Variants in PPP1R1C observed in about 807,000 individuals in gnomAD.
PPP1R1C encodes protein phosphatase 1 regulatory subunit 1C.
A neutral mutation model predicts 17.4 loss-of-function variants in PPP1R1C; 15 were observed. The observed-to-expected ratio is 0.86, with a 90% CI of 0.58 to 1.33. The LOEUF (loss-of-function observed/expected upper bound fraction) is 1.33, where lower values mean the gene tolerates loss of function less well. PPP1R1C is among the 40% of genes most tolerant of loss of function. PPP1R1C has a pLI of 0.00. For missense variants in PPP1R1C, 143 were observed against 130.0 expected (o/e 1.10, Z -0.48); for synonymous variants, 35 against 43.1 (o/e 0.81, Z 0.73).
intron 2 of PPP1R1C, among the ~76,000 whole-genome samples, chr2:182,052,768 C>T (rs930853150): frequency 1.3e-5 from 2 of 152,124 alleles, no homozygotes; most frequent in African/African-American, 2.4e-5. Context: ...TAAAATTAAT[C>T]GAAATCACAA....
At chr2:181,997,146 G>C (rs1219558223) in intron 2 of PPP1R1C, among the ~76,000 whole-genome samples, 1 of 151,510 alleles carries the variant, frequency 6.6e-6, no homozygotes, top group Non-Finnish European at 1.5e-5. Context: ...GGAGAAAGGC[G>C]TGAACCCGGG....
chr2:182,123,993 C>A (rs1255353246), intron 5 of PPP1R1C, among the ~76,000 whole-genome samples: 1 of 152,152 alleles, frequency 6.6e-6, no homozygotes, highest in Non-Finnish European at 1.5e-5. Flanking sequence ...TTAGTTCTAA[C>A]ATTTAAATCT....
At chr2:182,026,773 G>A (rs1175965778) in intron 2 of PPP1R1C, among the ~76,000 whole-genome samples, 1 of 150,938 alleles carries the variant, frequency 6.6e-6, no homozygotes, top group Non-Finnish European at 1.5e-5. Context: ...TGATGGGGAT[G>A]GCATTGAATC....
chr2:181,991,618 C>T (rs904077056), intron 2 of PPP1R1C, among the ~76,000 whole-genome samples: 2 of 152,134 alleles, frequency 1.3e-5, no homozygotes, highest in African/African-American at 4.8e-5. Context: ...TACTGAAAAA[C>T]TGAGATAGGG....
At chr2:182,046,053 A>G (rs1040099017) in intron 2 of PPP1R1C, among the ~76,000 whole-genome samples, 1 of 151,980 alleles carries the variant, frequency 6.6e-6, no homozygotes, top group Non-Finnish European at 1.5e-5. Flanking sequence ...CAAACCAAGT[A>G]TCTCATATAG....
chr2:182,128,380 C>T (rs899908887), intron 5 of PPP1R1C, among the ~76,000 whole-genome samples: 8 of 152,014 alleles, frequency 5.3e-5, no homozygotes, highest in South Asian at 2.1e-4. Context: ...CTCGGTAAAA[C>T]GTGGAGAATT....
chr2:182,066,082 T>A (rs1159670438), intron 4 of PPP1R1C, among the ~76,000 whole-genome samples: 1 of 152,094 alleles, frequency 6.6e-6, no homozygotes, highest in African/African-American at 2.4e-5. Flanking sequence ...ATACTTTAAT[T>A]CTATTAATGC....
intron 2 of PPP1R1C, among the ~76,000 whole-genome samples, chr2:182,023,420 GA>G (rs959656796): frequency 1.3e-5 from 2 of 151,770 alleles, no homozygotes; most frequent in Non-Finnish European, 2.9e-5. Context: ...GAAACAACTT[GA>G]AAAAAAGAGT....
intron 2 of PPP1R1C, among the ~76,000 whole-genome samples, chr2:182,016,602 T>C (rs181206550): frequency 6.6e-6 from 1 of 152,362 alleles, no homozygotes; most frequent in Non-Finnish European, 1.5e-5. Context: ...GTTTTCTTTT[T>C]CCTTCCATTT....
At chr2:181,980,732 G>A (rs969910136) in intron 2 of PPP1R1C, among the ~76,000 whole-genome samples, 5 of 151,988 alleles carry the variant, frequency 3.3e-5, no homozygotes, top group African/African-American at 1.2e-4. Context: ...GACTACTCAG[G>A]AAAATTATAC....
At chr2:182,036,719 GTA>G (rs1393203946) in intron 2 of PPP1R1C, among the ~76,000 whole-genome samples, 2 of 151,722 alleles carry the variant, frequency 1.3e-5, no homozygotes, top group East Asian at 1.9e-4. Context: ...GTGTGTGTGT[GTA>G]TATATATAAA....
chr2:182,044,855 A>G (rs776190420), intron 2 of PPP1R1C, among the ~76,000 whole-genome samples: 3 of 152,254 alleles, frequency 2.0e-5, no homozygotes, highest in Non-Finnish European at 4.4e-5. Flanking sequence ...GCGTTAATCT[A>G]CAAACTGCAT....
chr2:181,960,601 T>G (rs547048847), intron 1 of PPP1R1C, among the ~76,000 whole-genome samples: 79 of 152,336 alleles, frequency 5.2e-4, no homozygotes, highest in African/African-American at 1.9e-3. Flanking sequence ...TCCCCCTCTC[T>G]TCAACAGTTT....
intron 2 of PPP1R1C, among the ~76,000 whole-genome samples, chr2:182,019,891 T>G (rs1686366476): frequency 6.6e-6 from 1 of 152,250 alleles, no homozygotes; most frequent in Admixed American, 6.5e-5. Flanking sequence ...ACTAATTTGA[T>G]GAAGTGTTCT....
chr2:181,995,495 A>G (rs1317196915), intron 2 of PPP1R1C, among the ~76,000 whole-genome samples: 1 of 152,254 alleles, frequency 6.6e-6, no homozygotes, highest in African/African-American at 2.4e-5. Flanking sequence ...CATTAATTTC[A>G]AAGAACTCTA....
chr2:182,037,741 G>A (rs1687054819), intron 2 of PPP1R1C, among the ~76,000 whole-genome samples: 1 of 152,122 alleles, frequency 6.6e-6, no homozygotes, highest in Non-Finnish European at 1.5e-5. Context: ...TAGAAACTAT[G>A]AACTGTTAAT....
chr2:182,041,344 C>T (rs1324874114), intron 2 of PPP1R1C, among the ~76,000 whole-genome samples: 2 of 152,134 alleles, frequency 1.3e-5, no homozygotes, highest in Non-Finnish European at 2.9e-5. Context: ...CGTGGTAGCT[C>T]ACGCCTGTAA....
At chr2:181,980,875 T>C (rs956189589), upstream of PPP1R1C, among the ~76,000 whole-genome samples, 33 of 152,206 alleles carry the variant, frequency 2.2e-4, no homozygotes, top group Admixed American at 1.4e-3. Flanking sequence ...AAGTCAAAAT[T>C]GTTAGAGTTA....
intron 4 of PPP1R1C, among the ~76,000 whole-genome samples, chr2:182,109,391 T>C (rs1281048690): frequency 1.3e-5 from 2 of 152,224 alleles, no homozygotes; most frequent in Non-Finnish European, 2.9e-5. Flanking sequence ...ATTATGTCTT[T>C]GGTGTTGAAC....
Sources: gnomAD v4.1 joint callset for allele counts (sites outside exome capture counted in the v4.1 genomes callset) on GRCh38, gnomAD v4.1.1 for gene constraint, MANE v1.5 for transcripts, NCBI Gene and HGNC (gene_info 2026-07-23, HGNC 2026-07-21) for gene names.